MAP2K5: variants seen among roughly 807,000 people sequenced by gnomAD.
MAP2K5 encodes mitogen-activated protein kinase kinase 5.
In MAP2K5, 49 loss-of-function variants were observed where a neutral mutation model predicts 83.1. The ratio of observed to expected loss-of-function variants is 0.59; its 90% CI spans 0.47 to 0.75. The LOEUF (loss-of-function observed/expected upper bound fraction) is 0.75. Among genes scored for constraint, MAP2K5 ranks in the 30% least tolerant of loss-of-function variants. The probability of loss-of-function intolerance (pLI) is 0.00; values close to 1 mark genes in which losing one functional copy is unlikely to be tolerated. For synonymous variants in MAP2K5, 202 were observed against 191.8 expected, an observed-to-expected ratio of 1.05 and a Z score of -0.44; for missense variants, 457 against 557.5, an observed-to-expected ratio of 0.82 and a Z score of 1.82.
chr15:67,673,840 AG>A (rs1194249774), intron 13 of MAP2K5, among the ~76,000 whole-genome samples: 5 of 151,950 alleles, frequency 3.3e-5, no homozygotes, highest in Non-Finnish European at 5.9e-5. Flanking sequence ...CTGGAGGATC[AG>A]TTTTTGTTTG....
chr15:67,680,478 C>G (rs1227836229), intron 13 of MAP2K5, among the ~76,000 whole-genome samples: 2 of 152,086 alleles, frequency 1.3e-5, no homozygotes, highest in Non-Finnish European at 2.9e-5. Context: ...ATGTTTCATA[C>G]TTTGTTAAAG....
rs1412595130 is a variant in MAP2K5, at chr15:67,756,514, ACTGT to A, written c.1134+7914_1134+7917del. Among the ~76,000 whole-genome samples, 847 of 97,912 alleles carry A rather than the reference ACTGT, an allele frequency of 8.7e-3. 9 individuals carry two copies. Among genetic ancestry groups the A allele is most frequent in the African/African-American group, 0.011 (296 of 26,542 alleles). The allele number at this position is 97,912 out of a possible 152,430, so 64.2% of individuals were successfully genotyped here. ...AATATATCTAACCCCACACACAGTT[ACTGT>A]GTGTGTGTGTGTGTGTGTGTGTGTG... On this transcript the variant is annotated intron_variant, in intron 19 of 21. Transcript: ENST00000178640.
intron 5 of MAP2K5, among the ~76,000 whole-genome samples, chr15:67,586,521 C>T (rs921295737): frequency 3.3e-5 from 5 of 151,970 alleles, no homozygotes; most frequent in South Asian, 4.2e-4. Flanking sequence ...CACTACTAAC[C>T]CCTGGGTATA....
chr15:67,806,224 C>T (rs1347200750), intron 21 of MAP2K5, among the ~76,000 whole-genome samples: 2 of 152,220 alleles, frequency 1.3e-5, no homozygotes, highest in South Asian at 2.1e-4. Context: ...TAGCCTCTGA[C>T]GAGATGATTC....
chr15:67,604,355 T>C (rs1287827860), intron 8 of MAP2K5, among the ~76,000 whole-genome samples: 2 of 152,272 alleles, frequency 1.3e-5, no homozygotes, highest in Non-Finnish European at 2.9e-5. Flanking sequence ...TGTTGCCTCA[T>C]TTCCTAAAGT....
chr15:67,624,791 G>C (rs1450346267), intron 8 of MAP2K5, among the ~76,000 whole-genome samples: 30 of 44,008 alleles, frequency 6.8e-4, no homozygotes, highest in African/African-American at 1.3e-3. Context: ...CACCAGGCCT[G>C]GTTAATTTTT....
rs571550146 is a variant in MAP2K5, at chr15:67,676,155, C to T, written c.847+11510C>T. 6.6e-4 allele frequency among the ~76,000 whole-genome samples: 101 copies of T among 152,094 alleles called. No homozygotes were observed. Among genetic ancestry groups the T allele is most frequent in the Non-Finnish European group, 1.3e-3 (89 of 68,022 alleles). On this transcript the variant is annotated intron_variant, in intron 13 of 21. Coordinates refer to ENST00000178640, the MANE Select transcript of MAP2K5 (RefSeq NM_145160.3). The surrounding 1 kb of genome is among the most constrained non-coding windows in gnomAD (Gnocchi z 4.8). ...GATGAGTGTTTGATTCACCAAGCCC[C>T]GCAGTTAGCTCTGATCATTGCTTTG...
rs17300481 is a variant in MAP2K5, at chr15:67,566,912, T to C, written c.252+3562T>C. Among the ~76,000 whole-genome samples the C allele has an allele frequency of 8.7e-3, 1,318 of 152,324 alleles. 46 individuals carry two copies. Among genetic ancestry groups the C allele is most frequent in the Admixed American group, 0.064 (978 of 15,302 alleles). On this transcript the variant is annotated intron_variant, in intron 3 of 21. Transcript: ENST00000178640. Reference sequence around the variant, plus strand: ...AGTGGTTTTTGATACATGTGACACGTGGAATATTGTATTATGGTAAGGATT... The same window carrying C: ...AGTGGTTTTTGATACATGTGACACGCGGAATATTGTATTATGGTAAGGATT...
chr15:67,806,328 G>A (rs1487936968), intron 21 of MAP2K5, among the ~76,000 whole-genome samples: 1 of 152,240 alleles, frequency 6.6e-6, no homozygotes, highest in Non-Finnish European at 1.5e-5. Flanking sequence ...GCAGAGGAAG[G>A]GCCAGGCAGA....
At chr15:67,766,622 C>T (rs1486865510) in intron 19 of MAP2K5, among the ~76,000 whole-genome samples, 1 of 152,198 alleles carries the variant, frequency 6.6e-6, no homozygotes, top group East Asian at 1.9e-4. Flanking sequence ...GTATGCCTCC[C>T]TCCTCACAGA....
rs556974080 is a variant in MAP2K5 at position 67,562,514 on chromosome 15, C to T, written c.185-769C>T. On this transcript the variant is annotated intron_variant, in intron 2 of 21. Coordinates refer to ENST00000178640, the MANE Select transcript of MAP2K5 (RefSeq NM_145160.3). This position sits in a 1 kb window ranked among gnomAD's most constrained non-coding sequence, Gnocchi z 4.1. ...CTGATGATACTTACTCAAATTTACA[C>T]ATTCTGGTTATGTAGTTTGTGAAGT... is the stretch of plus-strand genomic sequence containing the variant. Among the ~76,000 whole-genome samples, 12 of 152,138 alleles carry T rather than the reference C, an allele frequency of 7.9e-5. No individual in the cohort carries two copies. Among genetic ancestry groups the T allele is most frequent in the Non-Finnish European group, 1.5e-4 (10 of 68,032 alleles).
chr15:67,799,118 G>A (rs1400496640), intron 21 of MAP2K5, among the ~76,000 whole-genome samples: 4 of 152,224 alleles, frequency 2.6e-5, no homozygotes, highest in African/African-American at 4.8e-5. Flanking sequence ...GCAGTGAGCC[G>A]AGATCGCGCC....
At chr15:67,689,726 T>C (rs897074201) in intron 13 of MAP2K5, among the ~76,000 whole-genome samples, 2 of 152,240 alleles carry the variant, frequency 1.3e-5, no homozygotes, top group African/African-American at 2.4e-5. Context: ...TTAGCAGTTT[T>C]GTTGTTTTAT....
At chr15:67,671,681 C>CT (rs1238125305) in intron 13 of MAP2K5, among the ~76,000 whole-genome samples, 11 of 151,606 alleles carry the variant, frequency 7.3e-5, no homozygotes, top group Non-Finnish European at 1.5e-4. Flanking sequence ...TATCATTATA[C>CT]TTTAAGTTTT....
intron 6 of MAP2K5, among the ~76,000 whole-genome samples, chr15:67,590,769 T>C (rs2085392005): frequency 6.6e-6 from 1 of 152,062 alleles, no homozygotes; most frequent in Non-Finnish European, 1.5e-5. Flanking sequence ...TGTTTTCTGA[T>C]GTATTTATGA....
intron 9 of MAP2K5, among the ~76,000 whole-genome samples, chr15:67,642,926 A>G (rs2086745391): frequency 6.6e-6 from 1 of 152,184 alleles, no homozygotes; most frequent in African/African-American, 2.4e-5. Context: ...TGGAGATGCA[A>G]TATATCTTAA....
chr15:67,703,453 T>C (rs1003685649), intron 16 of MAP2K5, 45 bp downstream of exon 16: 2 of 1,427,912 alleles, frequency 1.4e-6, no homozygotes, highest in Middle Eastern at 1.8e-4. Flanking sequence ...TCTGTACTAA[T>C]ATATTCAATC....
At chr15:67,548,624 C>T (rs1262119362) in intron 1 of MAP2K5, among the ~76,000 whole-genome samples, 3 of 152,202 alleles carry the variant, frequency 2.0e-5, no homozygotes, top group African/African-American at 7.2e-5. Flanking sequence ...AGCTAGCATC[C>T]AGCTGTAGCT....
At chr15:67,553,931 A>AG (rs1054655607) in intron 2 of MAP2K5, among the ~76,000 whole-genome samples, 2 of 151,358 alleles carry the variant, frequency 1.3e-5, no homozygotes, top group African/African-American at 4.8e-5. Flanking sequence ...AAAAAAAAAA[A>AG]AAAAAAAAAA....
Sources: gnomAD v4.1 joint callset for allele counts (sites outside exome capture counted in the v4.1 genomes callset) on GRCh38, gnomAD v4.1.1 for gene constraint, Gnocchi (gnomAD v3.1) non-coding constraint, MANE v1.5 for transcripts, NCBI Gene and HGNC (gene_info 2026-07-23, HGNC 2026-07-21) for gene names.